TET3: variants seen among roughly 807,000 people sequenced by gnomAD.
TET3 encodes tet methylcytosine dioxygenase 3.
A neutral mutation model predicts 141.4 loss-of-function variants in TET3; 19 were observed. That is an observed-to-expected ratio of 0.13 (90% CI 0.09 to 0.20). The LOEUF (loss-of-function observed/expected upper bound fraction) is 0.20. TET3 is among the 10% of genes least tolerant of loss of function. The probability of loss-of-function intolerance (pLI) is 1.00; values close to 1 mark genes in which losing one functional copy is unlikely to be tolerated. For synonymous variants in TET3, 1,043 were observed against 980.9 expected (o/e 1.06, Z -1.18); for missense variants, 1,874 against 2,356.9 (o/e 0.80, Z 4.24).
intron 10 of TET3, among the ~76,000 whole-genome samples, chr2:74,097,432 A>C (rs1690917409): frequency 6.6e-6 from 1 of 152,236 alleles, no homozygotes. Context: ...AGACAGTGAG[A>C]GAATTGTGTT....
At chr2:74,131,980 C>T in the TET3 span, among the ~76,000 whole-genome samples, 7 of 152,030 alleles carry the variant, frequency 4.6e-5, no homozygotes, top group Admixed American at 3.3e-4. Flanking sequence ...TTCACAAGCC[C>T]GAAGAGTTCT....
At chr2:74,127,376 T>C in the TET3 span, among the ~76,000 whole-genome samples, 1 of 152,246 alleles carries the variant, frequency 6.6e-6, no homozygotes. Flanking sequence ...ATTGACATGA[T>C]GTTAATAAAG....
the TET3 span, chr2:74,123,074 G>A: frequency 2.0e-5 from 3 of 152,222 alleles, no homozygotes; most frequent in African/African-American, 4.8e-5. Context: ...TCAGAATGAA[G>A]GAATCATTTC....
intron 6 of TET3, among the ~76,000 whole-genome samples, chr2:74,086,681 T>A (rs1690176149): frequency 6.7e-6 from 1 of 150,192 alleles, no homozygotes; most frequent in African/African-American, 2.5e-5. Context: ...TCCCGGGTAC[T>A]CAAGAAGGCT....
chr2:74,128,119 G>C, the TET3 span, among the ~76,000 whole-genome samples: 171 of 152,238 alleles, frequency 1.1e-3, 5 homozygotes, highest in South Asian at 0.02. Context: ...CTCAAACAGT[G>C]TTCTCCTTAA....
chr2:74,074,143 A>C (rs1451180912), intron 5 of TET3, among the ~76,000 whole-genome samples: 2 of 152,230 alleles, frequency 1.3e-5, no homozygotes, highest in Non-Finnish European at 2.9e-5. Context: ...GTTGTCCCCT[A>C]AATCCTTTGG....
In TET3 at chr2:74,076,441, G is replaced by GT. The variant is rs70965785; in HGVS notation, c.2585+2831dup. Among the ~76,000 whole-genome samples, 414 of 56,582 alleles carry GT rather than the reference G, an allele frequency of 7.3e-3. 37 individuals are homozygous for GT. The highest frequency in any genetic ancestry group is 0.029 in the Middle Eastern group (2 of 68). 37.1% of individuals were successfully genotyped at this position (56,582 alleles called of 152,430 possible). ...AACCTATTCAGGTTCATTCCTCTGGGTTTTTTTTTTTTTTTTTTTTTTTTT... is the reference window on the plus strand; with the variant it reads ...AACCTATTCAGGTTCATTCCTCTGGGTTTTTTTTTTTTTTTTTTTTTTTTTT... On this transcript the variant is annotated intron_variant, in intron 5 of 11. Transcript: ENST00000409262.
chr2:74,046,633 C>T lies in TET3; in HGVS notation c.716C>T (p.Pro239Leu), dbSNP rs750013561. The change falls in exon 4 of 12, where the codon CCC becomes CTC. Residue 239 changes from proline (P) to leucine (L), a missense_variant. Coordinates refer to ENST00000409262, the MANE Select transcript of TET3 (RefSeq NM_001287491.2). This position sits in a 1 kb window ranked among gnomAD's most constrained non-coding sequence, Gnocchi z 4.3. ...GAGGCTGGGAACAACAGCAGGGGAC[C>T]CCGGCCAGGGCCTGAGGGCTGCTCT... is the stretch of plus-strand genomic sequence containing the variant. The part of the protein sequence containing the change: ...SREAGNNSRG[P>L]RPGPEGCSAG... 20 of 1,613,966 alleles carry T rather than the reference C, an allele frequency of 1.2e-5. No individual in the cohort carries two copies. Among genetic ancestry groups the T allele is most frequent in the Admixed American group, 1.7e-5 (1 of 60,014 alleles).
chr2:74,010,332 A>C (rs1448143185), intron 3 of TET3, among the ~76,000 whole-genome samples: 1 of 152,064 alleles, frequency 6.6e-6, no homozygotes, highest in Non-Finnish European at 1.5e-5. Context: ...TCTTTGCCCG[A>C]GGTCTGGGGG....
intron 5 of TET3, among the ~76,000 whole-genome samples, chr2:74,079,211 G>A (rs766071789): frequency 2.6e-5 from 4 of 152,204 alleles, no homozygotes; most frequent in Non-Finnish European, 4.4e-5. Flanking sequence ...GCTGGGCGTG[G>A]TGGCAGGCAC....
At chr2:74,125,041 C>A in the TET3 span, among the ~76,000 whole-genome samples, 1 of 146,124 alleles carries the variant, frequency 6.8e-6, no homozygotes, top group Non-Finnish European at 1.5e-5. Context: ...GAGTCTCACT[C>A]TGTCACCCAG....
Position 74,046,175 on chromosome 2 carries a change from A to AAAGT in TET3, c.361-102_361-99dup. The AAAGT allele has an allele frequency of 1.9e-6, 2 of 1,067,496 alleles. No individual in the cohort carries two copies. The highest frequency in any genetic ancestry group is 2.5e-6 in the Non-Finnish European group (2 of 796,540). The allele number at this position is 1,067,496 out of a possible 1,614,324, so 66.1% of individuals were successfully genotyped here. On this transcript the variant is annotated intron_variant, in intron 3 of 11. Coordinates refer to ENST00000409262, the MANE Select transcript of TET3 (RefSeq NM_001287491.2). The surrounding 1 kb of genome is among the most constrained non-coding windows in gnomAD (Gnocchi z 4.3). Reference sequence around the variant, plus strand: ...AGTACCAGAGAGAGGATTTGCAAGAAAAGTTGGGGTCAGATGTGCACCTGA... The same window carrying AAAGT: ...AGTACCAGAGAGAGGATTTGCAAGAAAAGTAAGTTGGGGTCAGATGTGCACCTGA...
chr2:74,054,201 C>T (rs1688098380), intron 4 of TET3, among the ~76,000 whole-genome samples: 1 of 151,898 alleles, frequency 6.6e-6, no homozygotes, highest in South Asian at 2.1e-4. Flanking sequence ...GGGGATGATA[C>T]CAAAGCCAGA....
rs200153529 is a variant in TET3 at position 74,047,051 on chromosome 2, C to T, written c.1134C>T (p.Pro378=). 2 of 1,613,878 alleles carry T rather than the reference C, an allele frequency of 1.2e-6. No homozygotes were observed. The highest frequency in any genetic ancestry group is 2.2e-5 in the East Asian group (1 of 44,888). The part of the protein sequence containing the change: ...SALPQPSHST[P]QASCPLPEAL... ...TCCCGCAGCCTTCTCATTCCACCCC[C>T]CAGGCTTCTTGCCCCCTTCCTGAGG... Residue 378 remains proline, a synonymous_variant, in exon 4 of 12, where the codon CCC becomes CCT. Transcript: ENST00000409262.
intron 7 of TET3, among the ~76,000 whole-genome samples, chr2:74,088,265 C>T (rs1690269065): frequency 1.3e-5 from 2 of 152,186 alleles, no homozygotes; most frequent in African/African-American, 2.4e-5. Flanking sequence ...CACCGTTAAA[C>T]CCCAGGTCGA....
chr2:74,090,070 C>T, intron 8 of TET3, 23 bp downstream of exon 8: 1 of 1,610,956 alleles, frequency 6.2e-7, no homozygotes, highest in Non-Finnish European at 8.5e-7. Flanking sequence ...GGGCGGGGAC[C>T]CTGCCTCCCA....
At chr2:74,041,842 T>C (rs1166874666) in intron 3 of TET3, among the ~76,000 whole-genome samples, 2 of 152,224 alleles carry the variant, frequency 1.3e-5, no homozygotes, top group Non-Finnish European at 2.9e-5. Context: ...ATGTGCTTCT[T>C]CCATCTTTAA....
At chr2:74,060,042 T>C (rs904586768) in intron 4 of TET3, among the ~76,000 whole-genome samples, 1 of 152,210 alleles carries the variant, frequency 6.6e-6, no homozygotes, top group Non-Finnish European at 1.5e-5. Flanking sequence ...TACTTAGGTA[T>C]TTACCTAGGA....
intron 5 of TET3, among the ~76,000 whole-genome samples, chr2:74,076,442 T>TTTTTTG (rs1689511526): frequency 9.5e-5 from 1 of 10,488 alleles, no homozygotes. Flanking sequence ...TTCCTCTGGG[T>TTTTTTG]TTTTTTTTTT....
Sources: allele counts gnomAD v4.1 joint callset (sites outside exome capture counted in the v4.1 genomes callset), GRCh38; gene constraint gnomAD v4.1.1; non-coding constraint Gnocchi (gnomAD v3.1); transcripts MANE v1.5; gene names NCBI Gene and HGNC (gene_info 2026-07-23, HGNC 2026-07-21).